The following NRIP1 variants were observed in gnomAD, a reference collection of about 807,000 sequenced individuals.
NRIP1 encodes nuclear receptor interacting protein 1.
Under a neutral mutation model 75.0 loss-of-function variants are expected in NRIP1, and 28 were observed. That is an observed-to-expected ratio of 0.37 (90% CI 0.28 to 0.51). The LOEUF (loss-of-function observed/expected upper bound fraction) is 0.51. NRIP1 is among the 20% of genes least tolerant of loss of function. The probability of loss-of-function intolerance (pLI) is 0.92; values close to 1 mark genes in which losing one functional copy is unlikely to be tolerated. For missense variants in NRIP1, 1,435 were observed against 1,343.7 expected (o/e 1.07, Z -1.06); for synonymous variants, 526 against 487.6 (o/e 1.08, Z -1.04).
At chr21:14,988,628 T>A (rs2087479241) in intron 3 of NRIP1, among the ~76,000 whole-genome samples, 1 of 152,130 alleles carries the variant, frequency 6.6e-6, no homozygotes, top group African/African-American at 2.4e-5. Context: ...GTGACAGGTT[T>A]ACTTAAAGCA....
At chr21:15,040,796 T>C (rs184411052) in intron 2 of NRIP1, among the ~76,000 whole-genome samples, 43 of 152,228 alleles carry the variant, frequency 2.8e-4, no homozygotes, top group African/African-American at 9.1e-4. Flanking sequence ...TATTTTTTAA[T>C]AGATGGGAAA....
intron 3 of NRIP1, chr21:14,992,800 G>A (rs2087610733): frequency 6.6e-6 from 1 of 152,190 alleles, no homozygotes; most frequent in African/African-American, 2.4e-5. Flanking sequence ...AAGTAGAACT[G>A]GCTGTCCCAT....
chr21:15,051,490 T>C (rs2089201713), intron 1 of NRIP1: 1 of 152,356 alleles, frequency 6.6e-6, no homozygotes, highest in Non-Finnish European at 1.5e-5. Flanking sequence ...AAACACTCCA[T>C]TTAAAATGTG....
chr21:15,030,173 T>G (rs2088611418), intron 2 of NRIP1, among the ~76,000 whole-genome samples: 1 of 152,198 alleles, frequency 6.6e-6, no homozygotes, highest in Non-Finnish European at 1.5e-5. Context: ...ACCAAGTCAC[T>G]CAAGATGGCA....
intron 2 of NRIP1, among the ~76,000 whole-genome samples, chr21:15,027,800 C>T (rs1211056327): frequency 1.3e-5 from 2 of 152,166 alleles, no homozygotes; most frequent in Non-Finnish European, 2.9e-5. Context: ...GCTTTTTTCT[C>T]TCTACTTGGT....
intron 2 of NRIP1, among the ~76,000 whole-genome samples, chr21:15,025,204 G>A (rs1354298910): frequency 1.3e-5 from 2 of 152,112 alleles, no homozygotes; most frequent in African/African-American, 4.8e-5. Flanking sequence ...AGGGACAGGA[G>A]AAATGGCAGA....
chr21:14,965,373 A>G lies in NRIP1; in HGVS notation c.2820T>C (p.Leu940=), dbSNP rs774499884. Residue 940 remains leucine (L), a synonymous_variant, in exon 4 of 4, where the codon CTT becomes CTC. Coordinates refer to ENST00000318948, the MANE Select transcript of NRIP1 (RefSeq NM_003489.4). ...SKSFNVLKQL[L]LSENCVRDLS... Reference sequence around the variant, plus strand: ...AATCTCGCACACAGTTTTCTGAGAGAAGCAGCTGTTTCAGAACATTAAAGC... The same window carrying G: ...AATCTCGCACACAGTTTTCTGAGAGGAGCAGCTGTTTCAGAACATTAAAGC... 8 of 1,614,038 alleles carry G rather than the reference A, an allele frequency of 5.0e-6. No individual in the cohort carries two copies. The South Asian group carries it at 6.6e-5, about 13-fold the overall frequency.
At chr21:14,982,737 C>T (rs185107986) in intron 3 of NRIP1, among the ~76,000 whole-genome samples, 443 of 136,402 alleles carry the variant, frequency 3.2e-3, no homozygotes, top group Non-Finnish European at 5.7e-3. Context: ...TTTTTACAAT[C>T]TAAGGATTTG....
chr21:14,978,541 T>G (rs538192766), intron 3 of NRIP1, among the ~76,000 whole-genome samples: 1 of 152,298 alleles, frequency 6.6e-6, no homozygotes, highest in African/African-American at 2.4e-5. Flanking sequence ...GCTTATCTCA[T>G]AACAGCTATA....
rs1456572364 is a variant in NRIP1 at position 14,965,264 on chromosome 21, T to C, written c.2929A>G (p.Ser977Gly). The C allele has an allele frequency of 6.2e-7, 1 of 1,614,028 alleles. No homozygotes were observed. ...NNVTNSKPEFSISSLNGLMYS... is the reference protein window; with the variant it reads ...NNVTNSKPEFGISSLNGLMYS... ...ATCAGTCCATTTAAAGAAGAAATGCTAAATTCAGGTTTGCTGTTGGTCACA... is the reference window on the plus strand; with the variant it reads ...ATCAGTCCATTTAAAGAAGAAATGCCAAATTCAGGTTTGCTGTTGGTCACA... Residue 977 changes from serine to glycine, a missense_variant, in exon 4 of 4, where the codon AGC becomes GGC. Physicochemically the swap from Ser to Gly is moderately conservative, Grantham distance 56. Coordinates refer to ENST00000318948, the MANE Select transcript of NRIP1 (RefSeq NM_003489.4).
At chr21:15,006,198 T>G (rs569289793) in intron 3 of NRIP1, among the ~76,000 whole-genome samples, 1 of 152,198 alleles carries the variant, frequency 6.6e-6, no homozygotes, top group South Asian at 2.1e-4. Context: ...ATTAGAATAG[T>G]GAGTAACACA....
chr21:15,049,609 T>C (rs1429216952), intron 1 of NRIP1, among the ~76,000 whole-genome samples: 1 of 152,118 alleles, frequency 6.6e-6, no homozygotes, highest in African/African-American at 2.4e-5. Context: ...ATGCAGACTG[T>C]GAAGTATTTG....
chr21:14,990,066 A>G (rs2087527127), intron 3 of NRIP1, among the ~76,000 whole-genome samples: 1 of 152,178 alleles, frequency 6.6e-6, no homozygotes, highest in Non-Finnish European at 1.5e-5. Flanking sequence ...TAAGTGGAAG[A>G]GTATTTCCTA....
chr21:14,978,947 C>T (rs9985141), intron 3 of NRIP1, among the ~76,000 whole-genome samples: 1,639 of 152,226 alleles, frequency 0.011, 15 homozygotes, highest in Non-Finnish European at 0.016. Flanking sequence ...CTTGAAAATA[C>T]TGACACTGGA....
intron 3 of NRIP1, among the ~76,000 whole-genome samples, chr21:14,999,150 A>G (rs1410434528): frequency 6.6e-6 from 1 of 151,814 alleles, no homozygotes; most frequent in Non-Finnish European, 1.5e-5. Flanking sequence ...TTAATTTTTT[A>G]ATTTTTAGTA....
At chr21:15,016,847 T>C (rs2088242595) in intron 2 of NRIP1, among the ~76,000 whole-genome samples, 2 of 147,848 alleles carry the variant, frequency 1.4e-5, no homozygotes, top group South Asian at 4.2e-4. Context: ...ATCGCGCCAC[T>C]GCACTCCAGC....
intron 3 of NRIP1, among the ~76,000 whole-genome samples, chr21:14,987,073 A>G (rs1377455374): frequency 6.6e-6 from 1 of 152,178 alleles, no homozygotes; most frequent in African/African-American, 2.4e-5. Flanking sequence ...TTATTTCTAA[A>G]AACCTCTAGT....
At chr21:15,054,264 C>T (rs946426046) in intron 1 of NRIP1, among the ~76,000 whole-genome samples, 12 of 152,114 alleles carry the variant, frequency 7.9e-5, no homozygotes, top group South Asian at 6.2e-4. Flanking sequence ...CTTACCAAGC[C>T]GTCAAATCCA....
intron 2 of NRIP1, among the ~76,000 whole-genome samples, chr21:15,043,242 A>G (rs1261254593): frequency 1.3e-5 from 2 of 152,242 alleles, no homozygotes; most frequent in African/African-American, 4.8e-5. Flanking sequence ...GTAGTAAAGT[A>G]AAATGTAAAT....
Sources: gnomAD v4.1 joint callset for allele counts (sites outside exome capture counted in the v4.1 genomes callset) on GRCh38, gnomAD v4.1.1 for gene constraint, MANE v1.5 for transcripts, NCBI Gene and HGNC (gene_info 2026-07-23, HGNC 2026-07-21) for gene names.